CDH4: variants seen among roughly 807,000 people sequenced by gnomAD.
CDH4 encodes the protein cadherin 4.
In CDH4, 33 loss-of-function variants were observed where a neutral mutation model predicts 86.0. That is an observed-to-expected ratio of 0.38 (90% CI 0.29 to 0.51). The LOEUF is 0.51. CDH4 is among the 20% of genes least tolerant of loss of function. The pLI is 0.86. For synonymous variants in CDH4, 555 were observed against 549.4 expected (o/e 1.01, Z -0.14); for missense variants, 1,114 against 1,307.4 (o/e 0.85, Z 2.28).
At chr20:61,407,713 G>A (rs560835336) in intron 2 of CDH4, among the ~76,000 whole-genome samples, 1 of 152,334 alleles carries the variant, frequency 6.6e-6, no homozygotes, top group African/African-American at 2.4e-5. Context: ...CTGCCCAAGT[G>A]TGCATACCTA....
At chr20:61,592,110 T>C (rs1384358578) in intron 2 of CDH4, among the ~76,000 whole-genome samples, 1 of 152,010 alleles carries the variant, frequency 6.6e-6, no homozygotes, top group African/African-American at 2.4e-5. Flanking sequence ...AAGTGGCTAG[T>C]TGAGCTAGCA....
chr20:61,883,025 T>C (rs1174667375), intron 7 of CDH4, among the ~76,000 whole-genome samples: 1 of 152,138 alleles, frequency 6.6e-6, no homozygotes, highest in Non-Finnish European at 1.5e-5. Context: ...TGAGCTCTTG[T>C]CTTTTCAAAC....
chr20:61,304,080 A>T (rs1391121844), intron 2 of CDH4, among the ~76,000 whole-genome samples: 5 of 151,976 alleles, frequency 3.3e-5, no homozygotes, highest in South Asian at 2.1e-4. Context: ...CCCTCAAGGA[A>T]CCCGTGTCCT....
At position 61,383,548 on chromosome 20, in the gene CDH4, T is replaced by TATGTATGA. The variant is rs2084926787; in HGVS notation, c.169+128613_169+128614insGTATGAAT. Among the ~76,000 whole-genome samples, 2 of 86,034 alleles carry TATGTATGA rather than the reference T, an allele frequency of 2.3e-5. 1 individual carries two copies. The highest frequency in any genetic ancestry group is 4.1e-5 in the Non-Finnish European group (2 of 48,940). The allele number at this position is 86,034 out of a possible 152,430, so 56.4% of individuals were successfully genotyped here. On this transcript the variant is annotated intron_variant, in intron 2 of 15. Transcript: ENST00000614565. Reference sequence around the variant, plus strand: ...ATGAATATATATGAATATATATGAATATATATGATATATGATATATGATAT... The same window carrying TATGTATGA: ...ATGAATATATATGAATATATATGAATATGTATGAATATATGATATATGATATATGATAT...
At chr20:61,651,030 C>T (rs1040207421) in intron 2 of CDH4, among the ~76,000 whole-genome samples, 3 of 152,212 alleles carry the variant, frequency 2.0e-5, no homozygotes, top group Admixed American at 2.0e-4. Context: ...TAGCCTCGTG[C>T]TTGGCCGTGC....
chr20:61,924,739 G>A (rs570040974), intron 11 of CDH4, among the ~76,000 whole-genome samples: 5 of 152,044 alleles, frequency 3.3e-5, no homozygotes, highest in East Asian at 1.9e-4. Context: ...TTGCTTGTTC[G>A]AAGGTGTGCC....
At chr20:61,661,396 C>T (rs1221156816) in intron 2 of CDH4, among the ~76,000 whole-genome samples, 1 of 151,062 alleles carries the variant, frequency 6.6e-6, no homozygotes, top group Non-Finnish European at 1.5e-5. Context: ...GAAAATGTCG[C>T]AAACCAAAAC....
At chr20:61,337,236 AT>A (rs1353479259) in intron 2 of CDH4, among the ~76,000 whole-genome samples, 21 of 5,144 alleles carry the variant, frequency 4.1e-3, no homozygotes, top group African/African-American at 0.015. Context: ...TTGTTAGGCA[AT>A]GGTGGTGGTG....
chr20:61,933,509 G>C (rs1446219580), intron 14 of CDH4, among the ~76,000 whole-genome samples: 1 of 152,238 alleles, frequency 6.6e-6, no homozygotes, highest in Non-Finnish European at 1.5e-5. Flanking sequence ...AGGGTAGACT[G>C]TGAGAGCTGG....
Position 61,261,437 on chromosome 20 carries a change from C to T in CDH4, c.169+6500C>T, listed in dbSNP as rs2084127119. Among the ~76,000 whole-genome samples the T allele has an allele frequency of 2.0e-5, 3 of 152,190 alleles. No individual in the cohort carries two copies. In the South Asian group the frequency reaches 6.2e-4, roughly 32 times the overall value. Reference sequence around the variant, plus strand: ...AGTCTTCAGATGAGGGAGCATGAGGCTTTGCAGAATTATAATATAATAACA... The same window carrying T: ...AGTCTTCAGATGAGGGAGCATGAGGTTTTGCAGAATTATAATATAATAACA... On this transcript the variant is annotated intron_variant, in intron 2 of 15. Transcript: ENST00000614565.
At chr20:61,404,935 A>C (rs577240274) in intron 2 of CDH4, among the ~76,000 whole-genome samples, 1 of 152,162 alleles carries the variant, frequency 6.6e-6, no homozygotes, top group African/African-American at 2.4e-5. Flanking sequence ...CTGTAGTCCC[A>C]GCTATTCACG....
chr20:61,697,938 A>C (rs762552198), intron 2 of CDH4, among the ~76,000 whole-genome samples: 42 of 152,364 alleles, frequency 2.8e-4, no homozygotes, highest in Admixed American at 1.0e-3. Context: ...GCCTCCCTGC[A>C]GAGCCAGGGC....
intron 8 of CDH4, among the ~76,000 whole-genome samples, chr20:61,895,680 C>A (rs1386543748): frequency 1.3e-5 from 2 of 152,214 alleles, no homozygotes; most frequent in East Asian, 1.9e-4. Context: ...CAGGAGGGAC[C>A]CTTCCCTTGA....
intron 2 of CDH4, among the ~76,000 whole-genome samples, chr20:61,650,914 A>C (rs1159915021): frequency 6.6e-6 from 1 of 152,268 alleles, no homozygotes; most frequent in Non-Finnish European, 1.5e-5. Flanking sequence ...TATGCTCTTC[A>C]GTGGCCCCAT....
intron 14 of CDH4, among the ~76,000 whole-genome samples, 184 bp from the exon 15 acceptor site, chr20:61,933,872 G>T (rs1225760440): frequency 6.6e-6 from 1 of 152,216 alleles, no homozygotes. Flanking sequence ...GGGGTAAAGG[G>T]CAAGGAGGTG....
intron 2 of CDH4, among the ~76,000 whole-genome samples, chr20:61,312,675 T>C (rs1348708516): frequency 6.6e-6 from 1 of 152,150 alleles, no homozygotes; most frequent in Non-Finnish European, 1.5e-5. Context: ...TGGCCAGCGT[T>C]CTCCTTCCTC....
chr20:61,437,240 A>G (rs2085288570), intron 2 of CDH4: 1 of 152,304 alleles, frequency 6.6e-6, no homozygotes, highest in Admixed American at 6.5e-5. Flanking sequence ...TGACTCGTCT[A>G]GCAAGATCCT....
chr20:61,626,290 C>A (rs964364864), intron 2 of CDH4, among the ~76,000 whole-genome samples: 3 of 152,152 alleles, frequency 2.0e-5, no homozygotes, highest in African/African-American at 7.2e-5. Context: ...CAGCTGGAGG[C>A]GACCTCTGCA....
chr20:61,579,284 GA>G (rs1228575131), intron 2 of CDH4, among the ~76,000 whole-genome samples: 15 of 104,222 alleles, frequency 1.4e-4, no homozygotes, highest in African/African-American at 5.6e-4. Flanking sequence ...CCTCGATGGA[GA>G]TTTTTTTTTT....
Sources: gnomAD v4.1 joint callset for allele counts (sites outside exome capture counted in the v4.1 genomes callset) on GRCh38, gnomAD v4.1.1 for gene constraint, MANE v1.5 for transcripts, NCBI Gene and HGNC (gene_info 2026-07-23, HGNC 2026-07-21) for gene names.